Variants in CYFIP2 observed in about 807,000 individuals in gnomAD.
CYFIP2 encodes the protein cytoplasmic FMR1 interacting protein 2.
In CYFIP2, 29 loss-of-function variants were observed where a neutral mutation model predicts 158.7. That is an observed-to-expected ratio of 0.18 (90% confidence interval 0.14 to 0.25). The LOEUF (loss-of-function observed/expected upper bound fraction) is 0.25, where lower values mean the gene tolerates loss of function less well. Ranked by LOEUF, CYFIP2 falls within the 10% of genes least tolerant of loss-of-function variation. The pLI is 1.00. For synonymous variants in CYFIP2, 585 were observed against 617.6 expected (o/e 0.95, Z 0.78); for missense variants, 852 against 1,639.5 (o/e 0.52, Z 8.29).
Position 157,304,453 on chromosome 5 carries a change from T to C in CYFIP2, c.795+87T>C, listed in dbSNP as rs1405404925. 4.1e-6 allele frequency: 6 copies of C among 1,448,918 alleles called. No individual in the cohort carries two copies. In the African/African-American group the frequency reaches 8.5e-5, roughly 21 times the overall value. The allele number at this position is 1,448,918 out of a possible 1,614,324, so 89.8% of individuals were successfully genotyped here. ...TAAAAATCCGTTTTAAAAAACAATG[T>C]TTCTTTTTTCTTAAACATTGATACA... On this transcript the variant is annotated intron_variant, in intron 8 of 30. Coordinates refer to ENST00000620254, the MANE Select transcript of CYFIP2 (RefSeq NM_001037333.3).
chr5:157,307,918 A>G, intron 9 of CYFIP2, 53 bp downstream of exon 9: 2 of 1,035,408 alleles, frequency 1.9e-6, no homozygotes, highest in Non-Finnish European at 3.0e-6. Context: ...CAGCGCCAAG[A>G]TGTCTTTGGG....
chr5:157,330,691 G>A (rs1761387706), intron 19 of CYFIP2, 51 bp from the exon 20 acceptor site: 1 of 1,403,996 alleles, frequency 7.1e-7, no homozygotes. Context: ...GGGCAGTTGA[G>A]AGTCATTCAC....
chr5:157,383,794 A>C (rs971035346), intron 28 of CYFIP2, among the ~76,000 whole-genome samples: 1 of 152,242 alleles, frequency 6.6e-6, no homozygotes, highest in Non-Finnish European at 1.5e-5. Flanking sequence ...CAACCCAAAC[A>C]TCTAATAGTA....
intron 23 of CYFIP2, chr5:157,342,690 C>T (rs1345130615): frequency 1.6e-6 from 1 of 633,674 alleles, no homozygotes; most frequent in Non-Finnish European, 2.6e-6. Flanking sequence ...CTGGGGGATA[C>T]ATTTTCCAGC....
chr5:157,275,239 A>G (rs1450467401), intron 1 of CYFIP2, among the ~76,000 whole-genome samples: 1 of 152,168 alleles, frequency 6.6e-6, no homozygotes, highest in African/African-American at 2.4e-5. Flanking sequence ...TTGTTATTAC[A>G]TAATTCAAGG....
intron 4 of CYFIP2, among the ~76,000 whole-genome samples, chr5:157,296,167 C>T (rs1285488255): frequency 6.6e-6 from 1 of 152,216 alleles, no homozygotes; most frequent in Admixed American, 6.5e-5. Flanking sequence ...TTTCCTGCAG[C>T]CAATGTCTGC....
intron 3 of CYFIP2, among the ~76,000 whole-genome samples, chr5:157,290,620 G>T (rs411720): frequency 0.67 from 102,593 of 152,058 alleles, 35,463 homozygotes; most frequent in Admixed American, 0.8. Context: ...CAGACATCTT[G>T]GGGGGACCAT....
At chr5:157,339,859 TA>T (rs1207963959) in intron 22 of CYFIP2, among the ~76,000 whole-genome samples, 2 of 152,108 alleles carry the variant, frequency 1.3e-5, no homozygotes, top group African/African-American at 2.4e-5. Context: ...TTGATGAGGG[TA>T]AAACTAGTCG....
At chr5:157,337,068 G>T (rs1460564737) in intron 21 of CYFIP2, among the ~76,000 whole-genome samples, 1 of 152,170 alleles carries the variant, frequency 6.6e-6, no homozygotes, top group African/African-American at 2.4e-5. Context: ...CAGTAACAAG[G>T]CACCACAGTG....
chr5:157,361,778 G>C lies in CYFIP2; in HGVS notation c.3039+180G>C, dbSNP rs1237724850. Among the ~76,000 whole-genome samples the C allele has an allele frequency of 6.6e-6, 1 of 152,130 alleles. No homozygotes were observed. Among genetic ancestry groups the C allele is most frequent in the Non-Finnish European group, 1.5e-5 (1 of 68,030 alleles). On this transcript the variant is annotated intron_variant, in intron 26 of 30. Coordinates refer to ENST00000620254, the MANE Select transcript of CYFIP2 (RefSeq NM_001037333.3). The surrounding 1 kb of genome is among the most constrained non-coding windows in gnomAD (Gnocchi z 4.4). ...CCTGGCTCCCCCATTCACGATTAGTGCAGTTGTCTAGGTCTCAGTTTGCCA... is the reference window on the plus strand; with the variant it reads ...CCTGGCTCCCCCATTCACGATTAGTCCAGTTGTCTAGGTCTCAGTTTGCCA...
In CYFIP2 at chr5:157,393,708, T is replaced by G. The variant is rs1767532592; in HGVS notation, c.*708T>G. The stretch of plus-strand genomic sequence containing the variant: ...GTATGTATGAACACAGCCAGAAATG[T>G]CATAGTCCAAACAGGATGCTTTCAG... On this transcript the variant is annotated 3_prime_UTR_variant, in exon 31 of 31. Transcript: ENST00000620254. The G allele has an allele frequency of 6.6e-6, 1 of 152,262 alleles. No homozygotes were observed. Among genetic ancestry groups the G allele is most frequent in the Non-Finnish European group, 1.5e-5 (1 of 68,086 alleles). The allele number at this position is 152,262 out of a possible 1,614,324, so 9.4% of individuals were successfully genotyped here.
intron 26 of CYFIP2, chr5:157,375,904 T>C (rs1002102741): frequency 6.6e-6 from 1 of 152,102 alleles, no homozygotes; most frequent in African/African-American, 2.4e-5. Flanking sequence ...CCTCTTGCCA[T>C]CAGCAAAGAG....
At chr5:157,271,918 G>A (rs577745314) in intron 1 of CYFIP2, among the ~76,000 whole-genome samples, 189 of 152,188 alleles carry the variant, frequency 1.2e-3, no homozygotes, top group African/African-American at 4.4e-3. Context: ...CCACATACGC[G>A]TCATGTTGGT....
Position 157,315,108 on chromosome 5 carries a change from C to T in CYFIP2, c.1356+14C>T, listed in dbSNP as rs762716866. The T allele has an allele frequency of 2.3e-5, 37 of 1,612,892 alleles. No homozygotes were observed. Among genetic ancestry groups the T allele is most frequent in the Non-Finnish European group, 3.1e-5 (36 of 1,179,462 alleles). On this transcript the variant is annotated intron_variant, in intron 13 of 30. Transcript: ENST00000620254. ...GCCTTCGTTGAGGTAGGTGCAGACT[C>T]CCTGCATCTCCCTCCCTCCCCAAGG...
At chr5:157,375,153 G>A (rs1765342601) in intron 26 of CYFIP2, among the ~76,000 whole-genome samples, 1 of 152,196 alleles carries the variant, frequency 6.6e-6, no homozygotes, top group Non-Finnish European at 1.5e-5. Flanking sequence ...AACACAGTGA[G>A]GTTGATATTA....
At chr5:157,312,878 A>C (rs1377109925) in intron 11 of CYFIP2, among the ~76,000 whole-genome samples, 1 of 152,134 alleles carries the variant, frequency 6.6e-6, no homozygotes, top group African/African-American at 2.4e-5. Flanking sequence ...ATTTTTTTTA[A>C]TATTTTATTT....
rs1767491322 is a variant in CYFIP2, at chr5:157,393,223, AAG to A, written c.*224_*225del. 2.4e-6 allele frequency: 1 copy of A among 424,866 alleles called. No homozygotes were observed. The allele number at this position is 424,866 out of a possible 1,614,324, so 26.3% of individuals were successfully genotyped here. ...AGCATAAATGAAAAAAAAAAAAAAA[AAG>A]TAAACAGGGCAGTGTGTGCTTTTTC... On this transcript the variant is annotated 3_prime_UTR_variant, in exon 31 of 31. Transcript: ENST00000620254.
intron 5 of CYFIP2, among the ~76,000 whole-genome samples, chr5:157,299,451 C>A (rs1001899711): frequency 4.6e-5 from 7 of 152,222 alleles, no homozygotes; most frequent in African/African-American, 1.7e-4. Context: ...TCTTTTCCTG[C>A]AAGTCACTTC....
At chr5:157,383,569 G>A in intron 28 of CYFIP2, 1 of 485,766 alleles carries the variant, frequency 2.1e-6, no homozygotes, top group Non-Finnish European at 3.7e-6. Flanking sequence ...TCTGTAGCCT[G>A]TATCATGTAT....
Sources: allele counts gnomAD v4.1 joint callset (sites outside exome capture counted in the v4.1 genomes callset), GRCh38; gene constraint gnomAD v4.1.1; non-coding constraint Gnocchi (gnomAD v3.1); transcripts MANE v1.5; gene names NCBI Gene and HGNC (gene_info 2026-07-23, HGNC 2026-07-21).